The following GNGT1 variants were observed in gnomAD, a reference collection of about 807,000 sequenced individuals.
GNGT1 encodes G protein subunit gamma transducin 1, also known as guanine nucleotide-binding protein G(T) subunit gamma-T1.
In GNGT1, 4 loss-of-function variants were observed where a neutral mutation model predicts 7.4. The ratio of observed to expected loss-of-function variants is 0.54; its 90% CI spans 0.27 to 1.24. The LOEUF is 1.24. GNGT1 is among the 50% of genes most tolerant of loss of function. GNGT1 has a pLI of 0.12. For synonymous variants in GNGT1, 37 were observed against 30.2 expected (o/e 1.23, Z -0.74); for missense variants, 95 against 82.4 (o/e 1.15, Z -0.59).
chr7:93,907,502 C>T (rs1466977858), intron 2 of GNGT1, among the ~76,000 whole-genome samples: 3 of 152,272 alleles, frequency 2.0e-5, no homozygotes, highest in Middle Eastern at 3.4e-3. Context: ...CTCCTACAAA[C>T]TTCTGACAAA....
chr7:93,909,375 AT>A, intron 2 of GNGT1: 1 of 606,636 alleles, frequency 1.6e-6, no homozygotes, highest in East Asian at 2.8e-5. Context: ...TTGCAATCCT[AT>A]GTTAAACTAC....
chr7:93,907,533 A>T (rs1250782790), intron 2 of GNGT1, among the ~76,000 whole-genome samples: 1 of 152,202 alleles, frequency 6.6e-6, no homozygotes, highest in Non-Finnish European at 1.5e-5. Context: ...GGTTACCAAC[A>T]GTTCACTGCC....
chr7:93,909,613 T>G (rs907339003), intron 2 of GNGT1: 11 of 580,334 alleles, frequency 1.9e-5, no homozygotes, highest in African/African-American at 1.7e-4. Context: ...GTGGGACCAC[T>G]GAGGAAGAGG....
chr7:93,909,797 A>C (rs1794431842), intron 2 of GNGT1: 2 of 274,204 alleles, frequency 7.3e-6, no homozygotes, highest in African/African-American at 4.4e-5. Context: ...TAAGTCTTAT[A>C]TCAAATGTTC....
At chr7:93,908,360 C>G (rs1794409267) in intron 2 of GNGT1, among the ~76,000 whole-genome samples, 1 of 151,964 alleles carries the variant, frequency 6.6e-6, no homozygotes, top group Admixed American at 6.6e-5. Context: ...ATGTATTTCT[C>G]ACAGCTCTGG....
chr7:93,910,741 G>A (rs755986554), intron 2 of GNGT1, 49 bp from the exon 3 acceptor site: 1 of 1,382,866 alleles, frequency 7.2e-7, no homozygotes. Flanking sequence ...GGCATCTGGA[G>A]TATTCTGTTT....
chr7:93,907,271 T>A (rs1171863992), intron 2 of GNGT1, among the ~76,000 whole-genome samples: 1 of 152,084 alleles, frequency 6.6e-6, no homozygotes, highest in Non-Finnish European at 1.5e-5. Context: ...AAAATAAATA[T>A]ACGCATGCAA....
chr7:93,908,139 T>C (rs757807731), intron 2 of GNGT1, among the ~76,000 whole-genome samples: 7 of 152,214 alleles, frequency 4.6e-5, no homozygotes, highest in Non-Finnish European at 8.8e-5. Context: ...ACATCATCAT[T>C]AATCAGGCTT....
At chr7:93,907,317 C>CT (rs1266552166) in intron 2 of GNGT1, among the ~76,000 whole-genome samples, 1 of 151,990 alleles carries the variant, frequency 6.6e-6, no homozygotes, top group Non-Finnish European at 1.5e-5. Flanking sequence ...TTCTAAACTT[C>CT]TTTTTATAAT....
intron 2 of GNGT1, among the ~76,000 whole-genome samples, 153 bp downstream of exon 2, chr7:93,906,995 A>G (rs557192191): frequency 6.2e-5 from 9 of 146,230 alleles, no homozygotes; most frequent in South Asian, 2.2e-4. Flanking sequence ...ATAATCAATC[A>G]TAACTATCTC....
In GNGT1 at chr7:93,910,965, A is replaced by C; in HGVS notation, c.*47A>C. 8.1e-6 allele frequency: 11 copies of C among 1,352,164 alleles called. No individual in the cohort carries two copies. Among genetic ancestry groups the C allele is most frequent in the Non-Finnish European group, 1.0e-5 (10 of 987,784 alleles). 83.8% of individuals were successfully genotyped at this position (1,352,164 alleles called of 1,614,324 possible). A position where few individuals can be genotyped will look rare whatever the true frequency, so the allele number is the denominator to read the frequency against. ...TTAAACAAATTCTTGGAAATATCTC[A>C]AATGTTAATAACAATATGAATTTTT... On this transcript the variant is annotated 3_prime_UTR_variant, in exon 3 of 3. Transcript: ENST00000248572.
intron 2 of GNGT1, among the ~76,000 whole-genome samples, chr7:93,908,354 A>G (rs1562784795): frequency 6.6e-6 from 1 of 152,010 alleles, no homozygotes; most frequent in Non-Finnish European, 1.5e-5. Flanking sequence ...ACAGAAATGT[A>G]TTTCTCACAG....
chr7:93,908,752 G>GCCTAT (rs1342778282), intron 2 of GNGT1, among the ~76,000 whole-genome samples: 1 of 151,846 alleles, frequency 6.6e-6, no homozygotes, highest in Non-Finnish European at 1.5e-5. Context: ...ATGGTTAAGT[G>GCCTAT]GATATACTCA....
chr7:93,909,103 G>T (rs1056056933), intron 2 of GNGT1, among the ~76,000 whole-genome samples: 3 of 151,648 alleles, frequency 2.0e-5, no homozygotes, highest in Non-Finnish European at 4.4e-5. Context: ...GATTTTTTTT[G>T]AGTACGACAA....
At chr7:93,910,338 G>C (rs1794442268) in intron 2 of GNGT1, 1 of 152,520 alleles carries the variant, frequency 6.6e-6, no homozygotes, top group South Asian at 2.1e-4. Flanking sequence ...TGAGTGTAAA[G>C]AAAAATTACA....
At chr7:93,906,975 A>G in intron 2 of GNGT1, 133 bp downstream of exon 2, 1 of 495,576 alleles carries the variant, frequency 2.0e-6, no homozygotes, top group East Asian at 3.6e-5. Context: ...ATCAAAGATT[A>G]AGAAAATTGA....
At chr7:93,909,682 A>G (rs1794430818) in intron 2 of GNGT1, 2 of 498,812 alleles carry the variant, frequency 4.0e-6, no homozygotes, top group African/African-American at 3.8e-5. Flanking sequence ...TGCAAGTATC[A>G]TCCTTTGAAG....
At position 93,906,801 on chromosome 7, in the gene GNGT1, G is replaced by T. The variant is rs762577190; in HGVS notation, c.55G>T (p.Val19Phe). 1.2e-6 allele frequency: 2 copies of T among 1,605,792 alleles called. No homozygotes were observed. Among genetic ancestry groups the T allele is most frequent in the Non-Finnish European group, 8.5e-7 (1 of 1,175,948 alleles). Residue 19 changes from valine (V) to phenylalanine (F), a missense_variant, in exon 2 of 3, where the codon GTT becomes TTT. By Grantham distance (50) the Val-to-Phe change is conservative (BLOSUM62 -1). Transcript: ENST00000248572. ...AGAAAAGGACAAATTGAAGATGGAA[G>T]TTGACCAGCTCAAGAAAGAAGTGAC... ...LTEKDKLKMEVDQLKKEVTLE... is the reference protein window; with the variant it reads ...LTEKDKLKMEFDQLKKEVTLE...
At position 93,906,808 on chromosome 7, in the gene GNGT1, A is replaced by G; in HGVS notation, c.62A>G (p.Gln21Arg). 6.2e-7 allele frequency: 1 copy of G among 1,603,398 alleles called. No individual in the cohort carries two copies. Among genetic ancestry groups the G allele is most frequent in the Non-Finnish European group, 8.5e-7 (1 of 1,174,338 alleles). Residue 21 changes from glutamine (Q) to arginine (R), a missense_variant, in exon 2 of 3, where the codon CAG (glutamine) becomes CGG (arginine). Physicochemically the swap from Gln to Arg is conservative, Grantham distance 43. Transcript: ENST00000248572. ...EKDKLKMEVD[Q>R]LKKEVTLERM... ...GACAAATTGAAGATGGAAGTTGACC[A>G]GCTCAAGAAAGAAGTGACACTGGAA...
Sources: allele counts gnomAD v4.1 joint callset (sites outside exome capture counted in the v4.1 genomes callset), GRCh38; gene constraint gnomAD v4.1.1; transcripts MANE v1.5; gene names NCBI Gene and HGNC (gene_info 2026-07-23, HGNC 2026-07-21).